PPP1CC: variants seen among roughly 807,000 people sequenced by gnomAD.
PPP1CC encodes the protein protein phosphatase 1 catalytic subunit gamma.
Under a neutral mutation model 38.4 loss-of-function variants are expected in PPP1CC, and 16 were observed. That is an observed-to-expected ratio of 0.42 (90% CI 0.28 to 0.63). The LOEUF is 0.63. Among genes scored for constraint, PPP1CC ranks in the 30% least tolerant of loss-of-function variants. PPP1CC has a pLI of 0.25. For synonymous variants in PPP1CC, 158 were observed against 136.0 expected, an observed-to-expected ratio of 1.16 and a Z score of -1.13; for missense variants, 170 against 391.3, an observed-to-expected ratio of 0.43 and a Z score of 4.77.
intron 6 of PPP1CC, 166 bp downstream of exon 6, chr12:110,721,969 A>C (rs1418913549): frequency 1.4e-6 from 1 of 723,848 alleles, no homozygotes; most frequent in Non-Finnish European, 2.0e-6. Flanking sequence ...TTTTTCTTTT[A>C]CAAGGGATCC....
chr12:110,731,118 G>T (rs2069866625), intron 2 of PPP1CC, among the ~76,000 whole-genome samples: 2 of 152,036 alleles, frequency 1.3e-5, no homozygotes, highest in Non-Finnish European at 2.9e-5. Context: ...CAGTCTCTGG[G>T]TACTGTGTCA....
In PPP1CC at chr12:110,719,967, C is replaced by G. The variant is rs1426002547; in HGVS notation, c.*1109G>C. 9.9e-6 allele frequency: 6 copies of G among 605,210 alleles called. No homozygotes were observed. The East Asian group carries it at 1.7e-4, about 17-fold the overall frequency. The allele number at this position is 605,210 out of a possible 1,614,324, so 37.5% of individuals were successfully genotyped here. ...TTCACCACACGGTATTGTACACGGT[C>G]ATCTGTTGAAACAGATTTCTTTTTT... On this transcript the variant is annotated 3_prime_UTR_variant, in exon 7 of 7. Transcript: ENST00000335007.
At chr12:110,730,142 T>C (rs2069855451) in intron 3 of PPP1CC, among the ~76,000 whole-genome samples, 1 of 152,246 alleles carries the variant, frequency 6.6e-6, no homozygotes, top group South Asian at 2.1e-4. Flanking sequence ...GCAGATTCCT[T>C]GAGCCAGGAG....
intron 3 of PPP1CC, chr12:110,725,431 C>G (rs1403922684): frequency 1.3e-5 from 2 of 152,342 alleles, no homozygotes; most frequent in African/African-American, 4.8e-5. Context: ...AGTACTCTAG[C>G]AGGAGGCACA....
Position 110,731,798 on chromosome 12 carries a change from T to C in PPP1CC, c.159A>G (p.Leu53=), listed in dbSNP as rs1369935109. The C allele has an allele frequency of 2.5e-6, 4 of 1,612,644 alleles. No homozygotes were observed. Among genetic ancestry groups the C allele is most frequent in the Non-Finnish European group, 3.4e-6 (4 of 1,178,902 alleles). Reference sequence around the variant, plus strand: ...ATATTTTGAGTGGTGCTTCAAGTTCTAGTAGGATAGGCTGACTGAGAAAGA... The same window carrying C: ...ATATTTTGAGTGGTGCTTCAAGTTCCAGTAGGATAGGCTGACTGAGAAAGA... ...REIFLSQPIL[L]ELEAPLKICG... is the part of the protein sequence containing the mutation. Residue 53 remains leucine (L), a synonymous_variant, in exon 2 of 7, where the codon CTA becomes CTG. Transcript: ENST00000335007.
intron 1 of PPP1CC, among the ~76,000 whole-genome samples, chr12:110,738,078 G>A (rs549478042): frequency 1.3e-5 from 2 of 152,204 alleles, no homozygotes; most frequent in African/African-American, 2.4e-5. Context: ...AACACATTTC[G>A]GTAATATACC....
At chr12:110,727,534 G>A (rs149531166) in intron 3 of PPP1CC, among the ~76,000 whole-genome samples, 191 of 151,502 alleles carry the variant, frequency 1.3e-3, no homozygotes, top group African/African-American at 4.5e-3. Context: ...GACAGCTACG[G>A]CAGCAGAAAC....
At chr12:110,729,441 C>T (rs2069847169) in intron 3 of PPP1CC, among the ~76,000 whole-genome samples, 1 of 152,220 alleles carries the variant, frequency 6.6e-6, no homozygotes, top group South Asian at 2.1e-4. Context: ...GATCCACCCG[C>T]TGTGGCCTCC....
downstream of PPP1CC, among the ~76,000 whole-genome samples, chr12:110,714,805 CAAAAA>C (rs1164975036): frequency 2.3e-4 from 5 of 22,066 alleles, no homozygotes; most frequent in African/African-American, 7.1e-4. Flanking sequence ...GACTCTGTCT[CAAAAA>C]AAAAAAAAAA....
chr12:110,717,929 T>G (rs572205527), downstream of PPP1CC, among the ~76,000 whole-genome samples: 1 of 152,140 alleles, frequency 6.6e-6, no homozygotes, highest in East Asian at 1.9e-4. Context: ...TTCCTTTGTG[T>G]TTTTTGGTAT....
intron 1 of PPP1CC, among the ~76,000 whole-genome samples, chr12:110,733,733 G>C (rs1009643467): frequency 6.6e-6 from 1 of 151,950 alleles, no homozygotes; most frequent in Admixed American, 6.6e-5. Context: ...TCTTGCTCTG[G>C]CCCCCCAAGT....
chr12:110,718,623 A>T (rs1023673794), downstream of PPP1CC, among the ~76,000 whole-genome samples: 3 of 152,202 alleles, frequency 2.0e-5, no homozygotes, highest in Non-Finnish European at 2.9e-5. Flanking sequence ...AAGATAACCA[A>T]AAGCAAACAT....
At chr12:110,723,391 CT>C (rs1220211843) in intron 4 of PPP1CC, among the ~76,000 whole-genome samples, 1 of 152,196 alleles carries the variant, frequency 6.6e-6, no homozygotes, top group Non-Finnish European at 1.5e-5. Context: ...ATTATGCAGG[CT>C]TTTTGATGGC....
rs1275447278 is a variant in PPP1CC, at chr12:110,730,687, T to A, written c.260A>T (p.Tyr87Phe). The change falls in exon 3 of 7, where the codon TAC becomes TTC. Residue 87 changes from tyrosine to phenylalanine, a missense_variant. Around this residue, in one of 3 missense-constraint regions of PPP1CC, gnomAD observed 117 missense variants for 344.4 expected, o/e 0.34. Coordinates refer to ENST00000335007, the MANE Select transcript of PPP1CC (RefSeq NM_002710.4). ...GTCCACATAGTCCCCAAGAAACAGG[T>A]AGTTGCTTTCTGGTGGGAAACCACC... ...EYGGFPPESN[Y>F]LFLGDYVDRG... is the part of the protein sequence containing the mutation. 1 of 1,614,106 alleles carries A rather than the reference T, an allele frequency of 6.2e-7. No homozygotes were observed. Among genetic ancestry groups the A allele is most frequent in the African/African-American group, 1.3e-5 (1 of 75,032 alleles).
At chr12:110,729,192 C>CTTTTT (rs1026282471) in intron 3 of PPP1CC, among the ~76,000 whole-genome samples, 15 of 120,288 alleles carry the variant, frequency 1.2e-4, no homozygotes, top group African/African-American at 2.1e-4. Context: ...ATTTTCAAAG[C>CTTTTT]TTTTTTTTTT....
In PPP1CC at chr12:110,722,518, T is replaced by G; in HGVS notation, c.701A>C (p.Lys234Thr). Residue 234 changes from lysine to threonine, a missense_variant, in exon 5 of 7, where the codon AAA becomes ACA. Physicochemically the swap from Lys to Thr is moderately conservative, Grantham distance 78. Around this residue, in one of 3 missense-constraint regions of PPP1CC, gnomAD observed 117 missense variants for 344.4 expected, o/e 0.34. Coordinates refer to ENST00000335007, the MANE Select transcript of PPP1CC (RefSeq NM_002710.4). This position sits in a 1 kb window ranked among gnomAD's most constrained non-coding sequence, Gnocchi z 5.4. ...SFTFGAEVVA[K>T]FLHKHDLDLI... ...ATCCAAATCATGCTTATGGAGAAAT[T>G]TTGCAACCACTTCTGCACCAAATGT... The G allele has an allele frequency of 1.2e-6, 2 of 1,614,210 alleles. No individual in the cohort carries two copies. Among genetic ancestry groups the G allele is most frequent in the East Asian group, 2.2e-5 (1 of 44,884 alleles).
downstream of PPP1CC, among the ~76,000 whole-genome samples, chr12:110,716,233 A>G (rs892047988): frequency 2.0e-5 from 3 of 152,086 alleles, no homozygotes; most frequent in East Asian, 3.9e-4. Context: ...TTCATTCCTG[A>G]TATTTTGCAT....
chr12:110,714,982 G>A (rs542482323), downstream of PPP1CC, among the ~76,000 whole-genome samples: 7 of 151,668 alleles, frequency 4.6e-5, no homozygotes, highest in South Asian at 6.2e-4. Flanking sequence ...TATCCCACCC[G>A]CTCCCTCTGC....
intron 1 of PPP1CC, among the ~76,000 whole-genome samples, chr12:110,738,636 T>C (rs866151288): frequency 2.6e-5 from 4 of 152,188 alleles, no homozygotes; most frequent in Non-Finnish European, 5.9e-5. Flanking sequence ...GGGCTACAAC[T>C]GCATGTCCAT....
Sources: allele counts gnomAD v4.1 joint callset (sites outside exome capture counted in the v4.1 genomes callset), GRCh38; gene constraint gnomAD v4.1.1; regional missense constraint gnomAD v4.1.1; non-coding constraint Gnocchi (gnomAD v3.1); transcripts MANE v1.5; gene names NCBI Gene and HGNC (gene_info 2026-07-23, HGNC 2026-07-21).